Variants in PANK2 observed in about 807,000 individuals in gnomAD.
PANK2 encodes pantothenate kinase 2, also known as pantothenate kinase 2, mitochondrial.
In PANK2, 36 loss-of-function variants were observed where a neutral mutation model predicts 43.1. The ratio of observed to expected loss-of-function variants is 0.84; its 90% CI spans 0.64 to 1.10. The LOEUF is 1.10. Among genes scored for constraint, PANK2 ranks in the 50% least tolerant of loss-of-function variants. The pLI is 0.00. For missense variants in PANK2, 576 were observed against 593.3 expected (o/e 0.97, Z 0.30); for synonymous variants, 281 against 238.2 (o/e 1.18, Z -1.66).
intron 1 of PANK2, among the ~76,000 whole-genome samples, chr20:3,895,342 G>A (rs546014144): frequency 2.6e-5 from 4 of 152,066 alleles, no homozygotes; most frequent in South Asian, 4.2e-4. Context: ...GCACATGGTC[G>A]TAGTCCCAGC....
In PANK2 at chr20:3,889,430, G is replaced by C. The variant is rs1174889771; in HGVS notation, c.-1G>C. On this transcript the variant is annotated 5_prime_UTR_variant, in exon 1 of 7. Coordinates refer to ENST00000610179, the MANE Select transcript of PANK2 (RefSeq NM_001386393.1). ...CGGAGGAGGCGAGAAGGAATCCGAC[G>C]CTGGGGGGCTTGCTCGGGCGGCAGC... 2 of 1,564,232 alleles carry C rather than the reference G, an allele frequency of 1.3e-6. No homozygotes were observed. The highest frequency in any genetic ancestry group is 1.2e-5 in the South Asian group (1 of 86,476).
intron 3 of PANK2, among the ~76,000 whole-genome samples, chr20:3,911,049 A>G (rs1411326265): frequency 1.3e-5 from 2 of 152,232 alleles, no homozygotes; most frequent in African/African-American, 4.8e-5. Context: ...AAAAGATCAC[A>G]TCAGCAGACT....
intron 2 of PANK2, among the ~76,000 whole-genome samples, chr20:3,910,048 A>T (rs1229173910): frequency 6.6e-6 from 1 of 152,164 alleles, no homozygotes; most frequent in Non-Finnish European, 1.5e-5. Flanking sequence ...GCTAGTTTAG[A>T]TAGTGAAAAA....
Position 3,923,772 on chromosome 20 carries a change from CAT to C in PANK2, c.*479_*480del, listed in dbSNP as rs1387778721. On this transcript the variant is annotated 3_prime_UTR_variant, in exon 7 of 7. Coordinates refer to ENST00000610179, the MANE Select transcript of PANK2 (RefSeq NM_001386393.1). ...GCCTGTGTGTGAACTTACTGTAAAA[CAT>C]GTTTTATTTCAAGGTTCTGCAAAAT... The C allele has an allele frequency of 1.2e-5, 2 of 160,804 alleles. No individual in the cohort carries two copies. The highest frequency in any genetic ancestry group is 1.7e-4 in the East Asian group (1 of 5,842). The allele number at this position is 160,804 out of a possible 1,614,324, so 10.0% of individuals were successfully genotyped here.
At chr20:3,917,554 A>T (rs1222085747) in intron 5 of PANK2, 1 of 528,622 alleles carries the variant, frequency 1.9e-6, no homozygotes, top group Non-Finnish European at 3.9e-6. Flanking sequence ...AGCATTGTAC[A>T]GGGCTATGAA....
At chr20:3,902,983 AC>A (rs1672965076) in intron 1 of PANK2, among the ~76,000 whole-genome samples, 1 of 106,498 alleles carries the variant, frequency 9.4e-6, no homozygotes, top group Admixed American at 9.2e-5. Flanking sequence ...ACACACACAC[AC>A]ACACACACAC....
At chr20:3,892,601 G>A (rs746529835) in intron 1 of PANK2, among the ~76,000 whole-genome samples, 29 of 150,994 alleles carry the variant, frequency 1.9e-4, no homozygotes, top group Admixed American at 1.3e-4. Flanking sequence ...GCTTGAACCC[G>A]GGAGGCAGAG....
At chr20:3,904,668 T>A (rs1395068578) in intron 1 of PANK2, among the ~76,000 whole-genome samples, 1 of 152,234 alleles carries the variant, frequency 6.6e-6, no homozygotes, top group African/African-American at 2.4e-5. Context: ...ATCGTGTTAA[T>A]TTTTGCAGCC....
At chr20:3,890,890 G>C (rs2090112368) in intron 1 of PANK2, among the ~76,000 whole-genome samples, 1 of 152,196 alleles carries the variant, frequency 6.6e-6, no homozygotes, top group Non-Finnish European at 1.5e-5. Context: ...TTCAGAGTCA[G>C]TCACCTAGTT....
intron 4 of PANK2, among the ~76,000 whole-genome samples, chr20:3,915,667 A>G (rs987091420): frequency 1.3e-5 from 2 of 152,160 alleles, no homozygotes; most frequent in African/African-American, 4.8e-5. Flanking sequence ...TGTGAGGTAG[A>G]GCTCCAAGTT....
At position 3,894,207 on chromosome 20, in the gene PANK2, A is replaced by G. The variant is rs973577071; in HGVS notation, c.298+4479A>G. ...CAGCCTCCCAAAGTGCTGGGATTAC[A>G]GGTGTGAGCCACCGTGCCTGACCGA... is the stretch of plus-strand genomic sequence containing the variant. On this transcript the variant is annotated intron_variant, in intron 1 of 6. Coordinates refer to ENST00000610179, the MANE Select transcript of PANK2 (RefSeq NM_001386393.1). 3.3e-4 allele frequency among the ~76,000 whole-genome samples: 50 copies of G among 151,296 alleles called. 2 individuals carry two copies.
chr20:3,916,841 A>G (rs1443401055), intron 4 of PANK2, 86 bp from the exon 5 acceptor site: 1 of 1,575,872 alleles, frequency 6.3e-7, no homozygotes, highest in African/African-American at 1.4e-5. Flanking sequence ...CTAAAAGCTA[A>G]TTTTATTTCA....
At chr20:3,909,649 G>A (rs922646368) in intron 2 of PANK2, among the ~76,000 whole-genome samples, 1 of 152,096 alleles carries the variant, frequency 6.6e-6, no homozygotes, top group Non-Finnish European at 1.5e-5. Context: ...GAGTGCAGTG[G>A]TGCCATCTCA....
At chr20:3,892,556 A>G (rs1368457379) in intron 1 of PANK2, among the ~76,000 whole-genome samples, 3 of 151,176 alleles carry the variant, frequency 2.0e-5, no homozygotes. Flanking sequence ...GCGTGCCCGT[A>G]GTCGCAGCTA....
chr20:3,914,086 G>A (rs1218249710), intron 4 of PANK2, among the ~76,000 whole-genome samples: 1 of 151,718 alleles, frequency 6.6e-6, no homozygotes, highest in Non-Finnish European at 1.5e-5. Flanking sequence ...ACTGCGCCTG[G>A]CCTGCACATA....
intron 1 of PANK2, chr20:3,901,677 T>G: frequency 9.4e-6 from 8 of 853,706 alleles, no homozygotes; most frequent in Non-Finnish European, 1.1e-5. Context: ...TGTTTATTTC[T>G]TAAAGCTCTT....
chr20:3,907,884 T>C (rs760217185), intron 1 of PANK2, 42 bp from the exon 2 acceptor site: 10 of 1,566,884 alleles, frequency 6.4e-6, no homozygotes, highest in Non-Finnish European at 6.1e-6. Context: ...AATTTAATTT[T>C]CAGAAAAAAG....
chr20:3,916,482 C>T (rs1381702830), intron 4 of PANK2, among the ~76,000 whole-genome samples: 1 of 152,194 alleles, frequency 6.6e-6, no homozygotes, highest in Non-Finnish European at 1.5e-5. Context: ...TCTTAAGCAG[C>T]TCACTCTGGG....
rs1222419043 is a variant in PANK2, at chr20:3,910,756, G to T, written c.831G>T (p.Leu277=). The T allele has an allele frequency of 6.2e-7, 1 of 1,614,160 alleles. No individual in the cohort carries two copies. The highest frequency in any genetic ancestry group is 8.5e-7 in the Non-Finnish European group (1 of 1,180,016). Residue 277 remains leucine, a synonymous_variant, in exon 3 of 7, where the codon CTG becomes CTT. Transcript: ENST00000610179. ...TGAAAAATCCGTATCCTCTGCTTCTGGTGAACATTGGCTCAGGGGTTAGCA... is the reference window on the plus strand; with the variant it reads ...TGAAAAATCCGTATCCTCTGCTTCTTGTGAACATTGGCTCAGGGGTTAGCA...
Sources: gnomAD v4.1 joint callset for allele counts (sites outside exome capture counted in the v4.1 genomes callset) on GRCh38, gnomAD v4.1.1 for gene constraint, MANE v1.5 for transcripts, NCBI Gene and HGNC (gene_info 2026-07-23, HGNC 2026-07-21) for gene names.